EEIG1: variants seen among roughly 807,000 people sequenced by gnomAD.
EEIG1 encodes early estrogen-induced gene 1 protein.
At chr9:127,948,039 C>A in the EEIG1 span, 1 of 1,591,272 alleles carries the variant, frequency 6.3e-7, no homozygotes. Flanking sequence ...GGGCCGCTAG[C>A]AGGGGAGGGG....
the EEIG1 span, among the ~76,000 whole-genome samples, chr9:127,956,747 C>T: frequency 6.7e-6 from 1 of 149,228 alleles, no homozygotes; most frequent in East Asian, 2.0e-4. Context: ...CAGAGTCTCA[C>T]TCTATGGCCC....
chr9:127,973,029 C>G, the EEIG1 span, among the ~76,000 whole-genome samples: 309 of 152,236 alleles, frequency 2.0e-3, 1 homozygote, highest in Admixed American at 0.015. The surrounding 1 kb of genome is among the most constrained non-coding windows in gnomAD (Gnocchi z 4.2). Flanking sequence ...ACACCCCCTC[C>G]CCACCCTACA....
At chr9:127,942,133 G>A in the EEIG1 span, 1 of 151,490 alleles carries the variant, frequency 6.6e-6, no homozygotes, top group Non-Finnish European at 1.5e-5. Context: ...GGAAGGCTGA[G>A]GCTTTTCTGG....
the EEIG1 span, among the ~76,000 whole-genome samples, chr9:127,964,708 C>A: frequency 2.0e-5 from 3 of 152,236 alleles, no homozygotes; most frequent in East Asian, 5.8e-4. Flanking sequence ...CACATCTCAC[C>A]TCCACTGGGT....
the EEIG1 span, among the ~76,000 whole-genome samples, chr9:127,977,304 A>T: frequency 6.6e-6 from 1 of 152,236 alleles, no homozygotes; most frequent in Admixed American, 6.5e-5. Context: ...GCCAGGAGGA[A>T]GAAGGGAAAA....
chr9:127,963,057 G>A, the EEIG1 span, among the ~76,000 whole-genome samples: 1 of 152,190 alleles, frequency 6.6e-6, no homozygotes. Flanking sequence ...TATTCACACT[G>A]GTATGAAGGG....
At chr9:127,972,959 G>A in the EEIG1 span, among the ~76,000 whole-genome samples, 1 of 152,070 alleles carries the variant, frequency 6.6e-6, no homozygotes, top group Non-Finnish European at 1.5e-5. This position sits in a 1 kb window ranked among gnomAD's most constrained non-coding sequence, Gnocchi z 4.3. Context: ...CAGGTCCCAG[G>A]GCATATCTGG....
chr9:127,976,573 A>G, the EEIG1 span, among the ~76,000 whole-genome samples: 1 of 152,240 alleles, frequency 6.6e-6, no homozygotes, highest in East Asian at 1.9e-4. The surrounding 1 kb of genome is among the most constrained non-coding windows in gnomAD (Gnocchi z 4.1). Flanking sequence ...CCTGCCTGGC[A>G]CAGAGTGCAG....
At chr9:127,948,265 C>G in the EEIG1 span, 3 of 1,612,976 alleles carry the variant, frequency 1.9e-6, no homozygotes, top group African/African-American at 4.0e-5. Context: ...TGCCCTGCTT[C>G]AGGACCAGAT....
At chr9:127,944,326 C>T in the EEIG1 span, 2 of 545,220 alleles carry the variant, frequency 3.7e-6, no homozygotes, top group African/African-American at 3.8e-5. Context: ...GCGTGTGAGG[C>T]CCCTGCCATG....
the EEIG1 span, among the ~76,000 whole-genome samples, chr9:127,961,892 C>CGGGGCAGGCAT: frequency 6.6e-6 from 1 of 152,202 alleles, no homozygotes; most frequent in Non-Finnish European, 1.5e-5. Context: ...CGGAGGATGC[C>CGGGGCAGGCAT]GGGGCAGGCA....
chr9:127,970,795 C>CGCCCTTGCCATGCCTCT, the EEIG1 span, among the ~76,000 whole-genome samples: 1 of 151,358 alleles, frequency 6.6e-6, no homozygotes, highest in Admixed American at 6.6e-5. Context: ...TCAGCACGCT[C>CGCCCTTGCCATGCCTCT]GCCCTTGCCG....
chr9:127,954,214 T>C, the EEIG1 span, among the ~76,000 whole-genome samples: 1 of 152,232 alleles, frequency 6.6e-6, no homozygotes, highest in African/African-American at 2.4e-5. Flanking sequence ...AGCCTCCCTC[T>C]GTACCCAGTG....
the EEIG1 span, among the ~76,000 whole-genome samples, chr9:127,971,326 G>A: frequency 1.1e-4 from 17 of 152,270 alleles, no homozygotes; most frequent in African/African-American, 2.9e-4. Flanking sequence ...TCCAATTGCC[G>A]TGCTTGGAGT....
chr9:127,959,559 G>A, the EEIG1 span, among the ~76,000 whole-genome samples: 5 of 152,190 alleles, frequency 3.3e-5, no homozygotes, highest in Non-Finnish European at 7.3e-5. Flanking sequence ...TCAAGGGAAG[G>A]GCCTGGGGGG....
chr9:127,979,346 C>A, the EEIG1 span, among the ~76,000 whole-genome samples: 4 of 152,376 alleles, frequency 2.6e-5, no homozygotes, highest in South Asian at 8.3e-4. Flanking sequence ...CAGTTGCATT[C>A]AGCAACAAGC....
At chr9:127,946,442 A>G in the EEIG1 span, among the ~76,000 whole-genome samples, 1 of 151,006 alleles carries the variant, frequency 6.6e-6, no homozygotes, top group Admixed American at 6.6e-5. Context: ...AACACACCCC[A>G]GGCTGGCCTG....
chr9:127,962,405 C>A, the EEIG1 span, among the ~76,000 whole-genome samples: 5 of 152,156 alleles, frequency 3.3e-5, no homozygotes, highest in Non-Finnish European at 5.9e-5. Context: ...GCACACCTGA[C>A]CAAAGGAAAC....
the EEIG1 span, among the ~76,000 whole-genome samples, chr9:127,970,710 T>C: frequency 6.6e-6 from 1 of 151,654 alleles, no homozygotes; most frequent in African/African-American, 2.4e-5. Flanking sequence ...CCCCTCCAGG[T>C]ACAGTCCAAA....
Sources: gnomAD v4.1 joint callset for allele counts (sites outside exome capture counted in the v4.1 genomes callset) on GRCh38, gnomAD v4.1.1 for gene constraint, Gnocchi (gnomAD v3.1) non-coding constraint, MANE v1.5 for transcripts, NCBI Gene and HGNC (gene_info 2026-07-23, HGNC 2026-07-21) for gene names.